HDAC8: variants seen among roughly 807,000 people sequenced by gnomAD.
HDAC8 encodes the protein histone deacetylase 8.
Under a neutral mutation model 32.2 loss-of-function variants are expected in HDAC8, and 1 was observed. That is an observed-to-expected ratio of 0.03 (90% CI 0.01 to 0.15). HDAC8 has a LOEUF of 0.15. HDAC8 is among the 10% of genes least tolerant of loss of function. The pLI is 1.00. For synonymous variants in HDAC8, 108 were observed against 113.9 expected, an observed-to-expected ratio of 0.95 and a Z score of 0.33; for missense variants, 117 against 300.0, an observed-to-expected ratio of 0.39 and a Z score of 4.51.
intron 9 of HDAC8, among the ~76,000 whole-genome samples, chrX:72,450,424 A>C (rs2047540613): frequency 8.9e-6 from 1 of 112,109 alleles, no homozygotes; most frequent in Non-Finnish European, 1.9e-5. Context: ...AAAACTGGTC[A>C]AATTTAAATA....
At chrX:72,560,743 A>G (rs1374663339) in intron 4 of HDAC8, among the ~76,000 whole-genome samples, 35 of 108,867 alleles carry the variant, frequency 3.2e-4, no homozygotes, top group Admixed American at 2.8e-3. Flanking sequence ...TTTGCTGACT[A>G]TATTTATCAT....
At chrX:72,456,096 C>T (rs1199269799) in intron 9 of HDAC8, among the ~76,000 whole-genome samples, 1 of 111,750 alleles carries the variant, frequency 8.9e-6, no homozygotes, top group Non-Finnish European at 1.9e-5. Context: ...AACAACATCT[C>T]AAAACACACT....
chrX:72,497,427 C>A (rs188485571), intron 4 of HDAC8, among the ~76,000 whole-genome samples: 1 of 111,541 alleles, frequency 9.0e-6, no homozygotes, highest in African/African-American at 3.3e-5. Context: ...AAAAAGTATT[C>A]CTATAAAAAC....
chrX:72,357,720 C>T (rs1386024034), intron 9 of HDAC8, among the ~76,000 whole-genome samples: 2 of 110,522 alleles, frequency 1.8e-5, no homozygotes, highest in East Asian at 5.7e-4. Context: ...AGACTCCCAG[C>T]GGATGCCTAA....
chrX:72,550,345 C>G (rs180678166), intron 4 of HDAC8, among the ~76,000 whole-genome samples: 44 of 110,273 alleles, frequency 4.0e-4, no homozygotes, highest in Non-Finnish European at 4.2e-4. Context: ...CCCCACCCCA[C>G]CAACTTTCAC....
chrX:72,447,741 C>G (rs1813302467), intron 9 of HDAC8, among the ~76,000 whole-genome samples: 1 of 112,231 alleles, frequency 8.9e-6, no homozygotes, highest in Non-Finnish European at 1.9e-5. Context: ...TCAGCAAAGT[C>G]TCAGGATACA....
intron 9 of HDAC8, among the ~76,000 whole-genome samples, chrX:72,415,802 C>A (rs782700891): frequency 9.8e-5 from 11 of 111,925 alleles, no homozygotes; most frequent in African/African-American, 2.9e-4. Context: ...TTGTGACCTG[C>A]AACCTTGCTG....
intron 4 of HDAC8, among the ~76,000 whole-genome samples, chrX:72,531,590 C>T (rs1253525884): frequency 9.0e-6 from 1 of 111,715 alleles, no homozygotes; most frequent in Non-Finnish European, 1.9e-5. Context: ...CAAAAAGAAA[C>T]CCTGCATGCA....
At chrX:72,491,064 C>G in intron 5 of HDAC8, 58 bp from the exon 6 acceptor site, 1 of 858,824 alleles carries the variant, frequency 1.2e-6, no homozygotes, top group Non-Finnish European at 1.7e-6. Flanking sequence ...CTATTTTCAA[C>G]ATCTGAAAAT....
At chrX:72,452,093 A>G (rs1476312744) in intron 9 of HDAC8, among the ~76,000 whole-genome samples, 1 of 112,711 alleles carries the variant, frequency 8.9e-6, no homozygotes, top group Admixed American at 9.4e-5. Context: ...CTGAACATGT[A>G]TAGGGTACAA....
chrX:72,372,740 T>C (rs2044920219), intron 9 of HDAC8, among the ~76,000 whole-genome samples: 1 of 111,608 alleles, frequency 9.0e-6, no homozygotes, highest in African/African-American at 3.3e-5. Flanking sequence ...GCTGTATAAT[T>C]TGGGGCAAGT....
intron 4 of HDAC8, among the ~76,000 whole-genome samples, chrX:72,565,118 G>T (rs1162227338): frequency 1.8e-5 from 2 of 111,894 alleles, no homozygotes; most frequent in Non-Finnish European, 3.8e-5. Flanking sequence ...TTTCAAACTT[G>T]GTAGGGGAAA....
At chrX:72,489,268 G>T in intron 6 of HDAC8, 1 of 479,948 alleles carries the variant, frequency 2.1e-6, no homozygotes, top group Non-Finnish European at 3.8e-6. Flanking sequence ...TAACTCCTTT[G>T]CTTGGCTTCA....
chrX:72,341,754 T>C (rs2043894432), intron 10 of HDAC8, among the ~76,000 whole-genome samples: 1 of 111,506 alleles, frequency 9.0e-6, no homozygotes, highest in African/African-American at 3.3e-5. Context: ...TCTCTCTGGT[T>C]GACTGATTTT....
intron 9 of HDAC8, among the ~76,000 whole-genome samples, chrX:72,448,921 G>T (rs1375561850): frequency 8.9e-6 from 1 of 112,089 alleles, no homozygotes; most frequent in African/African-American, 3.2e-5. Context: ...AAAAAGTCAG[G>T]AAACAACAGA....
intron 4 of HDAC8, among the ~76,000 whole-genome samples, chrX:72,497,790 A>G (rs1556014067): frequency 1.8e-5 from 2 of 111,788 alleles, no homozygotes; most frequent in Non-Finnish European, 3.8e-5. Context: ...TAGGTAACTA[A>G]AAACTTTGAG....
chrX:72,390,279 C>T (rs1162167206), intron 9 of HDAC8, among the ~76,000 whole-genome samples: 1 of 111,536 alleles, frequency 9.0e-6, no homozygotes, highest in Non-Finnish European at 1.9e-5. Flanking sequence ...TTATTCATTG[C>T]CTCTAACTAT....
chrX:72,512,480 C>A (rs931596994), intron 4 of HDAC8, among the ~76,000 whole-genome samples: 1 of 111,703 alleles, frequency 9.0e-6, no homozygotes. Context: ...TATCGTGCAG[C>A]CTGTGCTTGT....
At chrX:72,493,010 A>T (rs1307192553) in intron 5 of HDAC8, among the ~76,000 whole-genome samples, 1 of 111,919 alleles carries the variant, frequency 8.9e-6, no homozygotes, top group East Asian at 2.8e-4. Flanking sequence ...GGTGATATGA[A>T]TAATACGGGA....
Sources: gnomAD v4.1 joint callset for allele counts (sites outside exome capture counted in the v4.1 genomes callset) on GRCh38, gnomAD v4.1.1 for gene constraint, MANE v1.5 for transcripts, NCBI Gene and HGNC (gene_info 2026-07-23, HGNC 2026-07-21) for gene names.